Variants in TIAM2 observed in about 807,000 individuals in gnomAD.
TIAM2 encodes rho guanine nucleotide exchange factor TIAM2.
Under a neutral mutation model 152.9 loss-of-function variants are expected in TIAM2, and 80 were observed. The observed-to-expected ratio is 0.52, with a 90% CI of 0.44 to 0.63. The LOEUF (loss-of-function observed/expected upper bound fraction) is 0.63, where lower values mean the gene tolerates loss of function less well. TIAM2 is among the 30% of genes least tolerant of loss of function. The probability of loss-of-function intolerance (pLI) is 0.00; values close to 1 mark genes in which losing one functional copy is unlikely to be tolerated. For missense variants in TIAM2, 1,965 were observed against 2,120.1 expected (o/e 0.93, Z 1.44); for synonymous variants, 804 against 838.0 (o/e 0.96, Z 0.70).
intron 14 of TIAM2, among the ~76,000 whole-genome samples, chr6:155,183,803 G>A (rs1780969486): frequency 6.6e-6 from 1 of 152,056 alleles, no homozygotes; most frequent in African/African-American, 2.4e-5. Context: ...GTGACTGAAG[G>A]CAGATGAAAG....
intron 14 of TIAM2, among the ~76,000 whole-genome samples, chr6:155,208,798 T>G (rs1781649969): frequency 6.6e-6 from 1 of 152,162 alleles, no homozygotes; most frequent in Admixed American, 6.5e-5. Context: ...TCCTTACACC[T>G]TGTACCTGTG....
chr6:155,086,126 G>A (rs1334146302), intron 1 of TIAM2, among the ~76,000 whole-genome samples: 3 of 152,186 alleles, frequency 2.0e-5, no homozygotes, highest in Admixed American at 6.5e-5. Context: ...CATTGTTCAC[G>A]TGGCACTGGA....
intron 2 of TIAM2, among the ~76,000 whole-genome samples, chr6:155,107,021 T>C (rs544818528): frequency 1.3e-5 from 2 of 152,324 alleles, no homozygotes; most frequent in Admixed American, 1.3e-4. Flanking sequence ...GCATTTGAAG[T>C]GTTAGACACT....
chr6:155,256,716 C>G lies in TIAM2; in HGVS notation c.4701C>G (p.Ile1567Met), dbSNP rs1784061174. 6.2e-7 allele frequency: 1 copy of G among 1,614,196 alleles called. No homozygotes were observed. The highest frequency in any genetic ancestry group is 8.5e-7 in the Non-Finnish European group (1 of 1,180,042). ...FADNLIKESD[I>M]LSDEDDDHRQ... ...ACAATCTCATCAAAGAGAGTGACAT[C>G]CTGAGCGATGAAGATGATGACCACC... Residue 1567 changes from isoleucine (I) to methionine (M), a missense_variant, in exon 27 of 27, where the codon ATC becomes ATG. Ile to Met is a conservative substitution (Grantham distance 10). Transcript: ENST00000682666.
chr6:155,119,764 T>C (rs1177210858), intron 2 of TIAM2, among the ~76,000 whole-genome samples: 3 of 152,242 alleles, frequency 2.0e-5, no homozygotes, highest in Non-Finnish European at 2.9e-5. Flanking sequence ...TTAAAACATT[T>C]CTTTTTTAAT....
intron 2 of TIAM2, among the ~76,000 whole-genome samples, chr6:155,126,984 C>CAAG: frequency 6.6e-6 from 1 of 152,126 alleles, no homozygotes; most frequent in Non-Finnish European, 1.5e-5. Flanking sequence ...GGACCTCTTG[C>CAAG]CCCTGCTAAC....
chr6:155,025,212 G>C (rs1366706709), intron 1 of TIAM2, among the ~76,000 whole-genome samples: 6 of 75,684 alleles, frequency 7.9e-5, no homozygotes, highest in Non-Finnish European at 1.8e-4. Flanking sequence ...TTTTTTTTTT[G>C]AGACGGAGTC....
At chr6:155,000,529 C>G (rs201843520) in intron 1 of TIAM2, among the ~76,000 whole-genome samples, 1 of 97,744 alleles carries the variant, frequency 1.0e-5, no homozygotes, top group African/African-American at 3.9e-5. Context: ...GAAACTGTTG[C>G]AAAAAAAAAA....
At chr6:155,098,241 A>G (rs1264449123) in intron 2 of TIAM2, among the ~76,000 whole-genome samples, 1 of 152,114 alleles carries the variant, frequency 6.6e-6, no homozygotes, top group Non-Finnish European at 1.5e-5. Context: ...TAGGGATTGC[A>G]TTGAATCTGT....
chr6:155,059,841 G>A (rs887966508), intron 1 of TIAM2, among the ~76,000 whole-genome samples: 11 of 152,122 alleles, frequency 7.2e-5, no homozygotes, highest in African/African-American at 1.9e-4. Context: ...TTCATTAGAA[G>A]CAAGTTACCA....
chr6:155,223,060 G>A (rs1782112901), intron 15 of TIAM2, among the ~76,000 whole-genome samples: 1 of 152,110 alleles, frequency 6.6e-6, no homozygotes, highest in East Asian at 1.9e-4. Context: ...ATTTCAAGCA[G>A]ACCATTTGAG....
intron 2 of TIAM2, among the ~76,000 whole-genome samples, chr6:155,090,949 A>G (rs1778289207): frequency 6.6e-6 from 1 of 152,144 alleles, no homozygotes; most frequent in East Asian, 1.9e-4. Flanking sequence ...GTACTAAAGC[A>G]GGAAAGCTGA....
At position 155,179,115 on chromosome 6, in the gene TIAM2, C is replaced by T; in HGVS notation, c.2600C>T (p.Pro867Leu). Reference protein sequence around the residue: ...LVDDNVEYCIPAPYEYMQQQV... With the variant: ...LVDDNVEYCILAPYEYMQQQV... ...GATGACAATGTTGAGTATTGCATCC[C>T]TGCACCATATGAATATATGCAACAA... Residue 867 changes from proline to leucine, a missense_variant, in exon 11 of 27, where the codon CCT becomes CTT. Transcript: ENST00000682666. 1 of 1,613,972 alleles carries T rather than the reference C, an allele frequency of 6.2e-7. No individual in the cohort carries two copies. The highest frequency in any genetic ancestry group is 1.3e-5 in the African/African-American group (1 of 75,036).
intron 14 of TIAM2, among the ~76,000 whole-genome samples, chr6:155,189,140 A>G (rs552115723): frequency 6.6e-6 from 1 of 152,372 alleles, no homozygotes; most frequent in East Asian, 1.9e-4. Flanking sequence ...AAAGCATTAT[A>G]GAGCCAGCTC....
intron 2 of TIAM2, among the ~76,000 whole-genome samples, chr6:155,099,218 ATATGTGTGTG>A (rs1040980950): frequency 1.4e-4 from 8 of 57,696 alleles, no homozygotes; most frequent in African/African-American, 4.6e-4. Flanking sequence ...GTGTATATAT[ATATGTGTGTG>A]TGTGTGTGTG....
At chr6:155,153,906 A>C (rs1780038444) in intron 7 of TIAM2, among the ~76,000 whole-genome samples, 3 of 152,120 alleles carry the variant, frequency 2.0e-5, no homozygotes, top group African/African-American at 7.2e-5. Flanking sequence ...ACAGGCGTGA[A>C]ACCACTATAC....
chr6:155,047,543 C>A (rs1777204157), intron 1 of TIAM2, among the ~76,000 whole-genome samples: 1 of 152,040 alleles, frequency 6.6e-6, no homozygotes, highest in Non-Finnish European at 1.5e-5. Context: ...TATCGCCACA[C>A]CACCTCTTCT....
In TIAM2 at chr6:155,177,037, C is replaced by A; in HGVS notation, c.2523+60C>A. 4 of 1,526,802 alleles carry A rather than the reference C, an allele frequency of 2.6e-6. No individual in the cohort carries two copies. The South Asian group carries it at 3.7e-5, about 14-fold the overall frequency. 94.6% of individuals were successfully genotyped at this position (1,526,802 alleles called of 1,614,324 possible). A position where few individuals can be genotyped will look rare whatever the true frequency, so the allele number is the denominator to read the frequency against. The stretch of plus-strand genomic sequence containing the variant: ...TAGAAATAATCATTAATGTTGCAAT[C>A]TTATGCCTTCTAAATTCATGTGATA... On this transcript the variant is annotated intron_variant, in intron 10 of 26. Coordinates refer to ENST00000682666, the MANE Select transcript of TIAM2 (RefSeq NM_012454.4).
chr6:155,034,741 AACC>A (rs1776891935), intron 1 of TIAM2, among the ~76,000 whole-genome samples: 3 of 152,150 alleles, frequency 2.0e-5, no homozygotes, highest in South Asian at 2.1e-4. Context: ...TAGGCTAGTT[AACC>A]TCTTTTTCCT....
Sources: allele counts gnomAD v4.1 joint callset (sites outside exome capture counted in the v4.1 genomes callset), GRCh38; gene constraint gnomAD v4.1.1; transcripts MANE v1.5; gene names NCBI Gene and HGNC (gene_info 2026-07-23, HGNC 2026-07-21).